PDS5B: variants seen among roughly 807,000 people sequenced by gnomAD.
The protein encoded by PDS5B is sister chromatid cohesion protein PDS5 homolog B.
Under a neutral mutation model 184.1 loss-of-function variants are expected in PDS5B, and 51 were observed. That is an observed-to-expected ratio of 0.28 (90% CI 0.22 to 0.35). The LOEUF is 0.35. Among genes scored for constraint, PDS5B ranks in the 10% least tolerant of loss-of-function variants. PDS5B has a pLI of 1.00. For missense variants in PDS5B, 1,180 were observed against 1,723.3 expected (o/e 0.68, Z 5.58); for synonymous variants, 566 against 569.2 (o/e 0.99, Z 0.08).
At position 32,758,530 on chromosome 13, in the gene PDS5B, G is replaced by C. The variant is rs200384000; in HGVS notation, c.3190-4G>C. The C allele has an allele frequency of 6.0e-4, 972 of 1,607,646 alleles. 1 individual carries two copies. The highest frequency in any genetic ancestry group is 7.9e-4 in the Non-Finnish European group (927 of 1,176,740). On this transcript the variant is annotated splice_polypyrimidine_tract_variant and splice_region_variant and intron_variant, in intron 27 of 34. Coordinates refer to ENST00000315596, the MANE Select transcript of PDS5B (RefSeq NM_015032.4). Reference sequence around the variant, plus strand: ...TCTGTGTTTTTAAAAATATACTATTGCAGAAACTGTACACTGTGTGTGATG... The same window carrying C: ...TCTGTGTTTTTAAAAATATACTATTCCAGAAACTGTACACTGTGTGTGATG...
chr13:32,708,186 C>G (rs1012125247), intron 18 of PDS5B, among the ~76,000 whole-genome samples: 4 of 152,190 alleles, frequency 2.6e-5, no homozygotes, highest in Non-Finnish European at 5.9e-5. Flanking sequence ...TAGTACTGTT[C>G]TGCAGAAGCA....
chr13:32,734,230 T>A (rs1356945552), intron 20 of PDS5B, among the ~76,000 whole-genome samples: 1 of 151,570 alleles, frequency 6.6e-6, no homozygotes, highest in Non-Finnish European at 1.5e-5. Flanking sequence ...TTCCACCATG[T>A]TGGCCTGGCT....
At chr13:32,758,065 T>G in intron 26 of PDS5B, 22 bp from the exon 27 acceptor site, 2 of 1,175,932 alleles carry the variant, frequency 1.7e-6, no homozygotes, top group Non-Finnish European at 2.3e-6. Flanking sequence ...TATATTTCTT[T>G]TTTCCTTTTT....
intron 28 of PDS5B, 100 bp from the exon 29 acceptor site, chr13:32,759,528 A>C (rs1593625627): frequency 3.9e-6 from 2 of 517,490 alleles, no homozygotes; most frequent in Non-Finnish European, 6.8e-6. Flanking sequence ...ATGATAATTT[A>C]GTTTAAATAA....
intron 1 of PDS5B, among the ~76,000 whole-genome samples, chr13:32,612,266 C>A (rs1312038589): frequency 6.6e-6 from 1 of 152,084 alleles, no homozygotes; most frequent in Non-Finnish European, 1.5e-5. Context: ...CGGGATTTCA[C>A]CATGTTGGTC....
chr13:32,620,981 A>G (rs554224477), intron 1 of PDS5B, among the ~76,000 whole-genome samples: 20 of 152,356 alleles, frequency 1.3e-4, no homozygotes, highest in African/African-American at 4.8e-4. Context: ...CACTAGCCAC[A>G]TTTCAAGTGC....
chr13:32,685,089 G>A (rs1951348093), intron 11 of PDS5B, among the ~76,000 whole-genome samples: 1 of 152,160 alleles, frequency 6.6e-6, no homozygotes, highest in Admixed American at 6.5e-5. Context: ...CTGCAGCCTG[G>A]GTGACAAGAG....
rs1250790217 is a variant in PDS5B, at chr13:32,713,999, TGGGCATCCA to T, written c.2123+3897_2123+3905del. Among the ~76,000 whole-genome samples the T allele has an allele frequency of 2.6e-5, 4 of 152,250 alleles. No individual in the cohort carries two copies. In the East Asian group the frequency reaches 5.8e-4, roughly 22 times the overall value. ...GTACAAAAGAGAGAAATTTTAAAGCTGGGCATCCAGGGGAGACATCACAAATTGGTAGGA... is the reference window on the plus strand; with the variant it reads ...GTACAAAAGAGAGAAATTTTAAAGCTGGGGAGACATCACAAATTGGTAGGA... On this transcript the variant is annotated intron_variant, in intron 19 of 34. Coordinates refer to ENST00000315596, the MANE Select transcript of PDS5B (RefSeq NM_015032.4).
In PDS5B at chr13:32,760,734, A is replaced by G; in HGVS notation, c.3518+14A>G. The G allele has an allele frequency of 6.2e-7, 1 of 1,607,540 alleles. No homozygotes were observed. The highest frequency in any genetic ancestry group is 8.5e-7 in the Non-Finnish European group (1 of 1,177,048). On this transcript the variant is annotated intron_variant, in intron 30 of 34. Transcript: ENST00000315596. ...AATAAAGGGGAGGTAAGTGCAAAAGAAATGCCACAATTTACATTTAAGGAT... is the reference window on the plus strand; with the variant it reads ...AATAAAGGGGAGGTAAGTGCAAAAGGAATGCCACAATTTACATTTAAGGAT...
Position 32,753,510 on chromosome 13 carries a change from A to G in PDS5B, c.2915A>G (p.Tyr972Cys), listed in dbSNP as rs771577580. ...LVKNINVRRE[Y>C]LKQHAAVSEK... ...AAAAATATAAATGTAAGGCGGGAGT[A>G]TCTGAAGCAGCATGCAGCTGTTAGT... Residue 972 changes from tyrosine to cysteine, a missense_variant, in exon 25 of 35, where the codon TAT becomes TGT. Coordinates refer to ENST00000315596, the MANE Select transcript of PDS5B (RefSeq NM_015032.4). 1 of 1,613,530 alleles carries G rather than the reference A, an allele frequency of 6.2e-7. No homozygotes were observed.
chr13:32,773,867 G>A (rs530264304), intron 34 of PDS5B, among the ~76,000 whole-genome samples: 2 of 152,224 alleles, frequency 1.3e-5, no homozygotes, highest in East Asian at 1.9e-4. Flanking sequence ...AGTGGCGCAC[G>A]ATCTGGGCTC....
intron 21 of PDS5B, among the ~76,000 whole-genome samples, chr13:32,736,330 TCA>T (rs1593558854): frequency 6.6e-6 from 1 of 152,236 alleles, no homozygotes; most frequent in Admixed American, 6.5e-5. Flanking sequence ...ATGAATTTTC[TCA>T]GTTTTTGTTT....
rs200496593 is a variant in PDS5B at position 32,775,319 on chromosome 13, C to CT, written c.*275dup. On this transcript the variant is annotated 3_prime_UTR_variant, in exon 35 of 35. Transcript: ENST00000315596. Reference sequence around the variant, plus strand: ...GAAGAAACTTGTAAATATCTTTTTTCTTTTTTTTAATGTTTCTGATTTCTG... The same window carrying CT: ...GAAGAAACTTGTAAATATCTTTTTTCTTTTTTTTTAATGTTTCTGATTTCTG... The CT allele has an allele frequency of 2.2e-4, 94 of 434,602 alleles. No individual in the cohort carries two copies. Among genetic ancestry groups the CT allele is most frequent in the East Asian group, 4.2e-4 (10 of 23,956 alleles). The allele number at this position is 434,602 out of a possible 1,614,324, so 26.9% of individuals were successfully genotyped here. A position where few individuals can be genotyped will look rare whatever the true frequency, so the allele number is the denominator to read the frequency against.
At chr13:32,699,989 C>G in intron 16 of PDS5B, 120 bp downstream of exon 16, 1 of 896,738 alleles carries the variant, frequency 1.1e-6, no homozygotes, top group South Asian at 2.2e-5. Context: ...CATAAAAATG[C>G]AGATAAACTA....
chr13:32,735,044 T>C, intron 20 of PDS5B, 128 bp from the exon 21 acceptor site: 1 of 532,034 alleles, frequency 1.9e-6, no homozygotes, highest in African/African-American at 2.0e-5. Context: ...TTGAAATTTT[T>C]GTAGTTTTTA....
intron 19 of PDS5B, among the ~76,000 whole-genome samples, chr13:32,726,710 A>G (rs1952913168): frequency 1.3e-5 from 2 of 152,222 alleles, no homozygotes; most frequent in South Asian, 2.1e-4. Context: ...TGTAAGGCAT[A>G]TATTTTTCCT....
intron 31 of PDS5B, among the ~76,000 whole-genome samples, chr13:32,768,994 C>T (rs1444841203): frequency 6.7e-6 from 1 of 149,352 alleles, no homozygotes; most frequent in Non-Finnish European, 1.5e-5. Context: ...GTTGCAGACA[C>T]CTGTAGTCCC....
chr13:32,678,828 T>C lies in PDS5B; in HGVS notation c.963-7T>C, dbSNP rs774081124. ...GAAGCTCACTCTGTGCTTTTATATT[T>C]TATCAGGTTTAATGATATCCATGTA... is the stretch of plus-strand genomic sequence containing the variant. On this transcript the variant is annotated splice_region_variant and splice_polypyrimidine_tract_variant and intron_variant, in intron 9 of 34. Coordinates refer to ENST00000315596, the MANE Select transcript of PDS5B (RefSeq NM_015032.4). 1.5e-5 allele frequency: 23 copies of C among 1,505,306 alleles called. No individual in the cohort carries two copies. The highest frequency in any genetic ancestry group is 2.1e-5 in the Non-Finnish European group (23 of 1,081,448). 93.2% of individuals were successfully genotyped at this position (1,505,306 alleles called of 1,614,324 possible).
intron 1 of PDS5B, among the ~76,000 whole-genome samples, chr13:32,632,793 A>T (rs1228236051): frequency 6.6e-6 from 1 of 152,168 alleles, no homozygotes; most frequent in Non-Finnish European, 1.5e-5. Flanking sequence ...TACATATAAT[A>T]TTCAGTCATA....
Sources: allele counts gnomAD v4.1 joint callset (sites outside exome capture counted in the v4.1 genomes callset), GRCh38; gene constraint gnomAD v4.1.1; transcripts MANE v1.5; gene names NCBI Gene and HGNC (gene_info 2026-07-23, HGNC 2026-07-21).